AKAP13: variants seen among roughly 807,000 people sequenced by gnomAD.
The protein encoded by AKAP13 is A-kinase anchoring protein 13.
AKAP13 carries 80 observed loss-of-function variants against 264.5 expected under a neutral mutation model. That is an observed-to-expected ratio of 0.30 (90% CI 0.25 to 0.36). The LOEUF (loss-of-function observed/expected upper bound fraction) is 0.36. AKAP13 is among the 10% of genes least tolerant of loss of function. The pLI, the probability that AKAP13 is intolerant of heterozygous loss-of-function variation, is 1.00. For synonymous variants in AKAP13, 1,380 were observed against 1,250.2 expected (o/e 1.10, Z -2.19); for missense variants, 3,712 against 3,435.2 (o/e 1.08, Z -2.01).
At chr15:85,707,297 A>C (rs1239241137) in intron 17 of AKAP13, among the ~76,000 whole-genome samples, 1 of 152,214 alleles carries the variant, frequency 6.6e-6, no homozygotes, top group Non-Finnish European at 1.5e-5. Context: ...TTGTAGGCCA[A>C]GGGAGTGAAA....
At chr15:85,413,114 C>G (rs2072063191) in intron 1 of AKAP13, among the ~76,000 whole-genome samples, 1 of 152,222 alleles carries the variant, frequency 6.6e-6, no homozygotes, top group East Asian at 1.9e-4. Flanking sequence ...GTCCGCACTG[C>G]TAATTGATCC....
chr15:85,510,895 T>C (rs1189848336), intron 2 of AKAP13, among the ~76,000 whole-genome samples: 1 of 152,230 alleles, frequency 6.6e-6, no homozygotes, highest in Non-Finnish European at 1.5e-5. Context: ...TGCTCACTTG[T>C]GACTGCCATT....
chr15:85,596,138 T>C (rs777460799), intron 8 of AKAP13, among the ~76,000 whole-genome samples: 2 of 152,156 alleles, frequency 1.3e-5, no homozygotes, highest in Non-Finnish European at 2.9e-5. Flanking sequence ...GAAAATGCCT[T>C]TCATAAAGTT....
At chr15:85,654,186 C>G (rs116187017) in intron 10 of AKAP13, among the ~76,000 whole-genome samples, 4,677 of 152,298 alleles carry the variant, frequency 0.031, 248 homozygotes, top group African/African-American at 0.11. Flanking sequence ...TCAGCCAGTT[C>G]TCAGTGAAAT....
chr15:85,426,527 C>T (rs1003024125), intron 1 of AKAP13, among the ~76,000 whole-genome samples: 1 of 151,880 alleles, frequency 6.6e-6, no homozygotes, highest in Non-Finnish European at 1.5e-5. Context: ...GACAATTGCG[C>T]ATATTTAAAG....
At position 85,578,963 on chromosome 15, in the gene AKAP13, C is replaced by T. The variant is rs759184062; in HGVS notation, c.895C>T (p.Pro299Ser). ...TNLKQMDSLMPLMMTAQDPSS... is the reference protein window; with the variant it reads ...TNLKQMDSLMSLMMTAQDPSS... ...CCTCAAGCAGATGGACAGTCTTATG[C>T]CCTTAATGATGACAGCACAGGATCC... The change falls in exon 7 of 37, where the codon CCC becomes TCC. Residue 299 changes from proline (P) to serine (S), a missense_variant. Pro to Ser is a moderately conservative substitution (Grantham distance 74). Coordinates refer to ENST00000394518, the MANE Select transcript of AKAP13 (RefSeq NM_007200.5). The T allele has an allele frequency of 6.2e-7, 1 of 1,614,004 alleles. No homozygotes were observed. The highest frequency in any genetic ancestry group is 1.7e-5 in the Admixed American group (1 of 60,000).
intron 10 of AKAP13, among the ~76,000 whole-genome samples, chr15:85,650,808 G>A (rs1285721022): frequency 8.8e-6 from 1 of 113,800 alleles, no homozygotes; most frequent in Non-Finnish European, 1.9e-5. Flanking sequence ...AACTGCAATT[G>A]CCTGTGCACA....
chr15:85,522,080 T>G (rs1017151931), intron 3 of AKAP13, among the ~76,000 whole-genome samples: 1 of 152,166 alleles, frequency 6.6e-6, no homozygotes, highest in East Asian at 1.9e-4. Context: ...CAGAAAGGCT[T>G]TTCTGGAACT....
chr15:85,393,126 A>T (rs558184558), intron 1 of AKAP13, among the ~76,000 whole-genome samples: 1 of 152,296 alleles, frequency 6.6e-6, no homozygotes, highest in African/African-American at 2.4e-5. Context: ...GGGAGAAGGG[A>T]GGTCCGTTGT....
chr15:85,448,820 T>G (rs948349695), intron 1 of AKAP13, among the ~76,000 whole-genome samples: 1 of 151,600 alleles, frequency 6.6e-6, no homozygotes, highest in Non-Finnish European at 1.5e-5. Flanking sequence ...TTTGTTCTTT[T>G]TGCTAAGGAT....
At chr15:85,522,337 GC>G (rs1286824414) in intron 3 of AKAP13, among the ~76,000 whole-genome samples, 8 of 152,094 alleles carry the variant, frequency 5.3e-5, no homozygotes, top group Non-Finnish European at 1.2e-4. Context: ...TCTAGAAAGG[GC>G]ATATAAGTAG....
chr15:85,644,659 C>G (rs1300152354), intron 9 of AKAP13, among the ~76,000 whole-genome samples: 2 of 132,310 alleles, frequency 1.5e-5, no homozygotes, highest in East Asian at 4.5e-4. Flanking sequence ...ATCATCCTGG[C>G]TAACACGGTG....
chr15:85,716,198 A>G (rs529518437), intron 20 of AKAP13, among the ~76,000 whole-genome samples: 195 of 152,286 alleles, frequency 1.3e-3, no homozygotes, highest in African/African-American at 4.5e-3. Context: ...AGTTCTAAAA[A>G]GATGATTTTT....
intron 8 of AKAP13, among the ~76,000 whole-genome samples, chr15:85,617,910 A>T (rs1397944835): frequency 6.6e-6 from 1 of 152,178 alleles, no homozygotes; most frequent in East Asian, 1.9e-4. Context: ...CAACTTTTAA[A>T]TCTCTGTCAA....
At chr15:85,632,201 TA>T (rs1217577165) in intron 8 of AKAP13, among the ~76,000 whole-genome samples, 29 of 152,314 alleles carry the variant, frequency 1.9e-4, no homozygotes, top group African/African-American at 7.0e-4. Flanking sequence ...GTAAATGTAT[TA>T]CTCATTGCAT....
chr15:85,494,226 T>C (rs12101598), intron 2 of AKAP13, among the ~76,000 whole-genome samples: 122,767 of 152,084 alleles, frequency 0.81, 50,131 homozygotes, highest in Non-Finnish European at 0.85. Context: ...TAAGCCCTAC[T>C]GGATCTAGCA....
chr15:85,629,282 T>G (rs898940742), intron 8 of AKAP13, among the ~76,000 whole-genome samples: 1 of 152,058 alleles, frequency 6.6e-6, no homozygotes, highest in African/African-American at 2.4e-5. Context: ...AGGGGGAAAT[T>G]TGTGGTGGAC....
intron 4 of AKAP13, among the ~76,000 whole-genome samples, chr15:85,540,080 C>G (rs1203638041): frequency 1.3e-5 from 2 of 152,012 alleles, no homozygotes; most frequent in Admixed American, 6.6e-5. Flanking sequence ...AGATTTATTA[C>G]AAGGAATGGC....
At chr15:85,564,564 T>TCTC (rs1299847117) in intron 5 of AKAP13, among the ~76,000 whole-genome samples, 2 of 152,206 alleles carry the variant, frequency 1.3e-5, no homozygotes, top group Non-Finnish European at 2.9e-5. Flanking sequence ...TTAATAGTGT[T>TCTC]CTTTTAAGTA....
Sources: gnomAD v4.1 joint callset for allele counts (sites outside exome capture counted in the v4.1 genomes callset) on GRCh38, gnomAD v4.1.1 for gene constraint, MANE v1.5 for transcripts, NCBI Gene and HGNC (gene_info 2026-07-23, HGNC 2026-07-21) for gene names.